Variants in KPNA1 observed in about 807,000 individuals in gnomAD.
The protein encoded by KPNA1 is importin subunit alpha-5.
KPNA1 carries 10 observed loss-of-function variants against 70.5 expected under a neutral mutation model. The observed-to-expected ratio is 0.14, with a 90% CI of 0.09 to 0.24. The LOEUF (loss-of-function observed/expected upper bound fraction) is 0.24. KPNA1 is among the 10% of genes least tolerant of loss of function. KPNA1 has a pLI of 1.00. For synonymous variants in KPNA1, 192 were observed against 221.9 expected, an observed-to-expected ratio of 0.87 and a Z score of 1.20; for missense variants, 397 against 637.9, an observed-to-expected ratio of 0.62 and a Z score of 4.07.
chr3:122,469,313 A>C (rs1440139697), intron 2 of KPNA1, among the ~76,000 whole-genome samples: 3 of 152,094 alleles, frequency 2.0e-5, no homozygotes, highest in African/African-American at 7.2e-5. Context: ...GAACTCCCCA[A>C]ACCTCCACGA....
At position 122,442,188 on chromosome 3, in the gene KPNA1, T is replaced by TA; in HGVS notation, c.918-73dup. ...TTTCATTTCCTTCCAAGACCAAAAT[T>TA]AAAAAACAAAAAAATTGTGATAGAA... On this transcript the variant is annotated intron_variant, in intron 9 of 13. Coordinates refer to ENST00000344337, the MANE Select transcript of KPNA1 (RefSeq NM_002264.4). 3 of 1,194,008 alleles carry TA rather than the reference T, an allele frequency of 2.5e-6. No homozygotes were observed. In the South Asian group the frequency reaches 3.9e-5, roughly 15 times the overall value. The allele number at this position is 1,194,008 out of a possible 1,614,324, so 74.0% of individuals were successfully genotyped here.
intron 2 of KPNA1, among the ~76,000 whole-genome samples, chr3:122,484,383 G>C (rs561871867): frequency 2.1e-4 from 32 of 152,174 alleles, no homozygotes; most frequent in African/African-American, 6.7e-4. Flanking sequence ...AAACATGACC[G>C]GGCACAGTGG....
chr3:122,451,720 A>C (rs1402276324), intron 7 of KPNA1, 87 bp from the exon 8 acceptor site: 2 of 871,038 alleles, frequency 2.3e-6, no homozygotes, highest in Non-Finnish European at 3.7e-6. Context: ...ACTTTTGATA[A>C]AGAGATGTCT....
intron 1 of KPNA1, among the ~76,000 whole-genome samples, chr3:122,498,107 T>C (rs1421932221): frequency 6.6e-6 from 1 of 152,186 alleles, no homozygotes; most frequent in East Asian, 1.9e-4. Flanking sequence ...TATCCAGCTG[T>C]CCCAACAATA....
intron 3 of KPNA1, among the ~76,000 whole-genome samples, chr3:122,466,900 C>A (rs1280482390): frequency 2.6e-5 from 4 of 151,868 alleles, no homozygotes; most frequent in Non-Finnish European, 5.9e-5. Context: ...ATTTGGGAGG[C>A]TAAAGCAGGA....
intron 9 of KPNA1, among the ~76,000 whole-genome samples, chr3:122,445,855 AAGC>A (rs2076130137): frequency 6.6e-6 from 1 of 152,194 alleles, no homozygotes; most frequent in African/African-American, 2.4e-5. Context: ...AGCAAAAAAA[AAGC>A]AGGGGTTGCA....
intron 1 of KPNA1, among the ~76,000 whole-genome samples, chr3:122,505,855 A>G (rs2076884760): frequency 6.6e-6 from 1 of 152,218 alleles, no homozygotes; most frequent in Admixed American, 6.5e-5. Context: ...TGACACCTAG[A>G]TAACTACAAC....
intron 12 of KPNA1, among the ~76,000 whole-genome samples, chr3:122,428,475 T>C (rs976127675): frequency 4.6e-5 from 7 of 152,066 alleles, no homozygotes; most frequent in Non-Finnish European, 1.0e-4. Context: ...TTCAAAAATA[T>C]ATAAAAATAA....
At position 122,496,631 on chromosome 3, in the gene KPNA1, A is replaced by G. The variant is rs1459984441; in HGVS notation, c.-5-61T>C. On this transcript the variant is annotated intron_variant, in intron 1 of 13. Coordinates refer to ENST00000344337, the MANE Select transcript of KPNA1 (RefSeq NM_002264.4). ...CTGTGAAGAGCTCTGTTATTCTAAG[A>G]GCTCAGTCTTTTAAACATATACATG... 4.6e-6 allele frequency: 7 copies of G among 1,507,606 alleles called. 1 individual carries two copies. Among genetic ancestry groups the G allele is most frequent in the Non-Finnish European group, 6.4e-6 (7 of 1,097,798 alleles). 93.4% of individuals were successfully genotyped at this position (1,507,606 alleles called of 1,614,324 possible).
chr3:122,490,938 T>C (rs2076691445), intron 2 of KPNA1, among the ~76,000 whole-genome samples: 1 of 152,210 alleles, frequency 6.6e-6, no homozygotes, highest in South Asian at 2.1e-4. Context: ...AATGTATATA[T>C]AGTTTCATAA....
intron 11 of KPNA1, among the ~76,000 whole-genome samples, chr3:122,434,347 T>C (rs1179994436): frequency 1.3e-5 from 2 of 152,204 alleles, no homozygotes; most frequent in Non-Finnish European, 2.9e-5. Flanking sequence ...CTTTCCTCTT[T>C]TGTTCTGCCC....
chr3:122,488,449 G>T (rs1222745039), intron 2 of KPNA1, among the ~76,000 whole-genome samples: 1 of 152,144 alleles, frequency 6.6e-6, no homozygotes, highest in Non-Finnish European at 1.5e-5. Flanking sequence ...AGTCTGGGAG[G>T]TTGAGGCTAT....
chr3:122,427,333 G>C, intron 13 of KPNA1, 161 bp from the exon 14 acceptor site: 1 of 728,228 alleles, frequency 1.4e-6, no homozygotes, highest in South Asian at 1.9e-5. Context: ...GCACAGAAAT[G>C]ACTGCTGGGA....
At chr3:122,479,296 G>C (rs2076543035) in intron 2 of KPNA1, among the ~76,000 whole-genome samples, 1 of 152,166 alleles carries the variant, frequency 6.6e-6, no homozygotes, top group East Asian at 1.9e-4. Flanking sequence ...TCAGGGAAAC[G>C]CAAACTAAAT....
intron 1 of KPNA1, among the ~76,000 whole-genome samples, chr3:122,509,256 AAAAAAG>A (rs2076927964): frequency 6.6e-6 from 1 of 152,050 alleles, no homozygotes; most frequent in Non-Finnish European, 1.5e-5. Flanking sequence ...ACAAAAAAAA[AAAAAAG>A]AAAGATAAAA....
At chr3:122,485,070 C>CTGT (rs1363486307) in intron 2 of KPNA1, among the ~76,000 whole-genome samples, 2 of 151,932 alleles carry the variant, frequency 1.3e-5, no homozygotes, top group East Asian at 1.9e-4. Context: ...GTTGTTGTTG[C>CTGT]TGTTGTTGTT....
At chr3:122,486,231 T>A (rs1334463737) in intron 2 of KPNA1, among the ~76,000 whole-genome samples, 1 of 152,202 alleles carries the variant, frequency 6.6e-6, no homozygotes, top group African/African-American at 2.4e-5. Flanking sequence ...CAAATTTCCA[T>A]CAACAAGTGA....
chr3:122,503,634 T>C (rs1374718739), intron 1 of KPNA1, among the ~76,000 whole-genome samples: 1 of 152,198 alleles, frequency 6.6e-6, no homozygotes, highest in South Asian at 2.1e-4. Flanking sequence ...TGTAAAAGCA[T>C]ACTTCCCACT....
chr3:122,509,653 T>G (rs1409152030), intron 1 of KPNA1, among the ~76,000 whole-genome samples: 1 of 152,010 alleles, frequency 6.6e-6, no homozygotes, highest in African/African-American at 2.4e-5. Context: ...CACTACATAT[T>G]TTACAATGTT....
Sources: allele counts gnomAD v4.1 joint callset (sites outside exome capture counted in the v4.1 genomes callset), GRCh38; gene constraint gnomAD v4.1.1; transcripts MANE v1.5; gene names NCBI Gene and HGNC (gene_info 2026-07-23, HGNC 2026-07-21).